Variants in GARIN1B observed in about 807,000 individuals in gnomAD.
GARIN1B encodes the protein golgi associated RAB2 interactor 1B.
At chr7:128,723,180 T>C in the GARIN1B span, 2 of 1,593,094 alleles carry the variant, frequency 1.3e-6, no homozygotes, top group African/African-American at 1.3e-5. Context: ...CTGGTTCTGC[T>C]TTTTTTCTTC....
At chr7:128,713,631 A>G in the GARIN1B span, among the ~76,000 whole-genome samples, 1 of 152,230 alleles carries the variant, frequency 6.6e-6, no homozygotes, top group Admixed American at 6.5e-5. Context: ...AAAACTGCTT[A>G]GCATCTTGTT....
the GARIN1B span, among the ~76,000 whole-genome samples, chr7:128,725,377 CCTTT>C: frequency 6.7e-5 from 8 of 119,428 alleles, no homozygotes; most frequent in African/African-American, 2.6e-4. Flanking sequence ...TTCCTTCCTT[CCTTT>C]TTCTTTCTTT....
the GARIN1B span, among the ~76,000 whole-genome samples, chr7:128,719,697 CTTT>C: frequency 2.0e-5 from 2 of 99,022 alleles, no homozygotes; most frequent in Non-Finnish European, 3.9e-5. Context: ...TTTTGTTTTG[CTTT>C]TTTTTTTTTT....
chr7:128,714,416 A>C, the GARIN1B span, among the ~76,000 whole-genome samples: 1 of 152,170 alleles, frequency 6.6e-6, no homozygotes, highest in Non-Finnish European at 1.5e-5. Flanking sequence ...GTCTCTACTA[A>C]AAATACAAAA....
At chr7:128,720,666 C>CT in the GARIN1B span, among the ~76,000 whole-genome samples, 1 of 152,084 alleles carries the variant, frequency 6.6e-6, no homozygotes, top group Non-Finnish European at 1.5e-5. Context: ...GATCTAAGTA[C>CT]TTTTTTTGTG....
At chr7:128,717,107 A>C in the GARIN1B span, 1 of 1,043,502 alleles carries the variant, frequency 9.6e-7, no homozygotes, top group Non-Finnish European at 1.4e-6. Flanking sequence ...ATCAGCAGTG[A>C]CATTGATTTT....
chr7:128,729,969 G>A, the GARIN1B span: 6 of 1,614,152 alleles, frequency 3.7e-6, no homozygotes, highest in South Asian at 3.3e-5. Flanking sequence ...CTTCATTCAC[G>A]TACGGAGAGT....
At chr7:128,731,001 G>T in the GARIN1B span, 1 of 1,125,200 alleles carries the variant, frequency 8.9e-7, no homozygotes. Context: ...ATAGATAGTT[G>T]ACAATTTTTT....
the GARIN1B span, among the ~76,000 whole-genome samples, chr7:128,711,695 A>ACC: frequency 9.3e-5 from 14 of 149,836 alleles, no homozygotes; most frequent in African/African-American, 3.2e-4. Context: ...ACACACACAC[A>ACC]CACTTACAGT....
chr7:128,729,715 G>T, the GARIN1B span, among the ~76,000 whole-genome samples: 1 of 152,174 alleles, frequency 6.6e-6, no homozygotes, highest in Non-Finnish European at 1.5e-5. Context: ...GCTTCTCCTT[G>T]TGTGACAGTT....
chr7:128,729,836 C>G, the GARIN1B span: 2 of 1,539,154 alleles, frequency 1.3e-6, no homozygotes, highest in Non-Finnish European at 1.8e-6. Flanking sequence ...CCCCAAATGT[C>G]AGCTGTAACC....
At chr7:128,716,282 G>A in the GARIN1B span, among the ~76,000 whole-genome samples, 2 of 152,164 alleles carry the variant, frequency 1.3e-5, no homozygotes, top group Non-Finnish European at 2.9e-5. Flanking sequence ...GGATGGAAGC[G>A]AGAATGAACA....
the GARIN1B span, chr7:128,731,375 T>C: frequency 1.1e-5 from 6 of 546,002 alleles, no homozygotes; most frequent in African/African-American, 7.6e-5. Flanking sequence ...GCCCAAGAGA[T>C]GAAGGAAAGG....
chr7:128,718,231 G>A, the GARIN1B span, among the ~76,000 whole-genome samples: 3 of 152,150 alleles, frequency 2.0e-5, no homozygotes, highest in South Asian at 2.1e-4. Flanking sequence ...TCAGGAGTTC[G>A]AGACCAGCCT....
At chr7:128,717,423 TC>T in the GARIN1B span, among the ~76,000 whole-genome samples, 2 of 148,852 alleles carry the variant, frequency 1.3e-5, no homozygotes, top group East Asian at 2.0e-4. Flanking sequence ...GTTTTCTTTG[TC>T]TTTTTCTTTT....
the GARIN1B span, chr7:128,718,929 T>C: frequency 6.2e-7 from 1 of 1,614,136 alleles, no homozygotes; most frequent in Non-Finnish European, 8.5e-7. Flanking sequence ...TACCTAAAGC[T>C]CCATCCTGAC....
the GARIN1B span, chr7:128,723,151 A>G: frequency 2.6e-4 from 387 of 1,499,554 alleles, 1 homozygote; most frequent in Middle Eastern, 2.5e-3. Context: ...AAATGTGAAG[A>G]CCCCAAGGCC....
the GARIN1B span, among the ~76,000 whole-genome samples, chr7:128,727,627 A>G: frequency 6.6e-6 from 1 of 152,006 alleles, no homozygotes; most frequent in South Asian, 2.1e-4. Flanking sequence ...CATCTCACCC[A>G]TCTCACCTGC....
At chr7:128,723,553 C>CT in the GARIN1B span, 43,550 of 160,942 alleles carry the variant, frequency 0.27, 6,077 homozygotes, top group African/African-American at 0.41. Context: ...ACTATCCAGT[C>CT]TTTTTTTTTT....
Sources: gnomAD v4.1 joint callset for allele counts (sites outside exome capture counted in the v4.1 genomes callset) on GRCh38, gnomAD v4.1.1 for gene constraint, MANE v1.5 for transcripts, NCBI Gene and HGNC (gene_info 2026-07-23, HGNC 2026-07-21) for gene names.